The following VPS13B variants were observed in gnomAD, a reference collection of about 807,000 sequenced individuals.
VPS13B encodes the protein intermembrane lipid transfer protein VPS13B.
In VPS13B, 285 loss-of-function variants were observed where a neutral mutation model predicts 426.4. That is an observed-to-expected ratio of 0.67 (90% CI 0.61 to 0.74). VPS13B has a LOEUF of 0.74. VPS13B is among the 30% of genes least tolerant of loss of function. The pLI is 0.00. For missense variants in VPS13B, 4,537 were observed against 4,782.6 expected (o/e 0.95, Z 1.51); for synonymous variants, 1,676 against 1,676.4 (o/e 1.00, Z 0.01).
At chr8:99,551,570 AT>A (rs1824284987) in intron 30 of VPS13B, among the ~76,000 whole-genome samples, 1 of 151,604 alleles carries the variant, frequency 6.6e-6, no homozygotes. Flanking sequence ...TGACATTCTA[AT>A]TTTTATTTAT....
At chr8:99,299,528 A>G (rs934105401) in intron 19 of VPS13B, among the ~76,000 whole-genome samples, 9 of 151,936 alleles carry the variant, frequency 5.9e-5, no homozygotes, top group African/African-American at 2.2e-4. Flanking sequence ...TTAACTCCAC[A>G]TTTAACATGA....
At position 99,691,174 on chromosome 8, in the gene VPS13B, G is replaced by A. The variant is rs1208785424; in HGVS notation, c.6047-8351G>A. ...CTGAATAGGCAAATCTATAGAGACA[G>A]AAAGAAAATTAGTGGTTTCTTGGGG... On this transcript the variant is annotated intron_variant, in intron 35 of 61. Coordinates refer to ENST00000357162, the MANE Select transcript of VPS13B (RefSeq NM_152564.5). 3.3e-5 allele frequency among the ~76,000 whole-genome samples: 5 copies of A among 152,010 alleles called. No individual in the cohort carries two copies. The East Asian group carries it at 9.6e-4, about 29-fold the overall frequency.
At chr8:99,493,281 A>G in intron 25 of VPS13B, among the ~76,000 whole-genome samples, 1 of 152,158 alleles carries the variant, frequency 6.6e-6, no homozygotes, top group East Asian at 1.9e-4. Flanking sequence ...GTATTAGATT[A>G]GAAGTTTATA....
At chr8:99,860,343 A>G (rs1401360988) in intron 57 of VPS13B, among the ~76,000 whole-genome samples, 1 of 151,896 alleles carries the variant, frequency 6.6e-6, no homozygotes, top group Non-Finnish European at 1.5e-5. Flanking sequence ...TGAAAAGGAC[A>G]CTCCCCCAGG....
At chr8:99,286,913 T>C (rs766786429) in intron 19 of VPS13B, among the ~76,000 whole-genome samples, 2 of 152,046 alleles carry the variant, frequency 1.3e-5, no homozygotes, top group Admixed American at 6.6e-5. Flanking sequence ...AAAGGAAATA[T>C]TGATTGTTGA....
intron 33 of VPS13B, among the ~76,000 whole-genome samples, chr8:99,605,464 AG>A: frequency 6.6e-6 from 1 of 152,318 alleles, no homozygotes; most frequent in Non-Finnish European, 1.5e-5. Flanking sequence ...CTCTAATCCT[AG>A]ATATAATCAT....
intron 30 of VPS13B, among the ~76,000 whole-genome samples, chr8:99,552,868 AC>A (rs546828656): frequency 5.3e-4 from 80 of 152,150 alleles, no homozygotes; most frequent in Admixed American, 2.1e-3. Flanking sequence ...TTTTACATGC[AC>A]TTAGTTGTGT....
At chr8:99,588,038 A>G (rs764853293) in intron 33 of VPS13B, among the ~76,000 whole-genome samples, 1 of 151,786 alleles carries the variant, frequency 6.6e-6, no homozygotes, top group Non-Finnish European at 1.5e-5. Context: ...CTTTCTACAT[A>G]TGGTTAGCCA....
chr8:99,143,672 A>G (rs549139132), intron 13 of VPS13B, among the ~76,000 whole-genome samples: 9 of 152,322 alleles, frequency 5.9e-5, no homozygotes, highest in Admixed American at 2.0e-4. Flanking sequence ...TAATAGTGTA[A>G]TGAGGAAGTA....
At chr8:99,013,444 G>T in intron 1 of VPS13B, 97 bp downstream of exon 1, 1 of 359,286 alleles carries the variant, frequency 2.8e-6, no homozygotes, top group South Asian at 2.4e-5. Context: ...TCCGGGAAGC[G>T]AGGGCCTCGC....
At chr8:99,192,215 G>A (rs1162944218) in intron 16 of VPS13B, among the ~76,000 whole-genome samples, 1 of 151,988 alleles carries the variant, frequency 6.6e-6, no homozygotes, top group Non-Finnish European at 1.5e-5. Flanking sequence ...AATGAATAAG[G>A]GATCAACAAA....
intron 2 of VPS13B, among the ~76,000 whole-genome samples, chr8:99,026,911 C>G (rs1330273465): frequency 6.6e-6 from 1 of 152,076 alleles, no homozygotes; most frequent in Non-Finnish European, 1.5e-5. Context: ...GAGTCTCACT[C>G]TGTCACCCAG....
chr8:99,821,646 A>C (rs1814375809), intron 50 of VPS13B, among the ~76,000 whole-genome samples, 164 bp downstream of exon 50: 1 of 152,198 alleles, frequency 6.6e-6, no homozygotes, highest in South Asian at 2.1e-4. Flanking sequence ...TCTGTTTTAC[A>C]GTGCTTTTTT....
At chr8:99,081,708 A>G (rs1023774841) in intron 3 of VPS13B, among the ~76,000 whole-genome samples, 3 of 151,016 alleles carry the variant, frequency 2.0e-5, no homozygotes, top group South Asian at 2.1e-4. Context: ...GAGAACATGC[A>G]GTGTTTGGTT....
At chr8:99,142,861 A>C in intron 12 of VPS13B, 113 bp from the exon 13 acceptor site, 2 of 1,072,466 alleles carry the variant, frequency 1.9e-6, no homozygotes, top group South Asian at 3.2e-5. Context: ...CTGATTGGGA[A>C]TTTGTTTTAA....
chr8:99,194,820 G>A (rs1352468593), intron 17 of VPS13B, among the ~76,000 whole-genome samples: 1 of 151,880 alleles, frequency 6.6e-6, no homozygotes, highest in African/African-American at 2.4e-5. Context: ...CTTCAATACC[G>A]TTTTCCATAA....
At chr8:99,147,765 A>C in intron 13 of VPS13B, 76 bp from the exon 14 acceptor site, 1 of 997,682 alleles carries the variant, frequency 1.0e-6, no homozygotes, top group South Asian at 2.9e-5. Context: ...AGTTTGGAGA[A>C]CTAATTCATT....
intron 33 of VPS13B, among the ~76,000 whole-genome samples, chr8:99,625,219 G>T (rs1426374635): frequency 6.6e-6 from 1 of 152,014 alleles, no homozygotes; most frequent in Non-Finnish European, 1.5e-5. Context: ...ATCTAAACAG[G>T]AAAATTTTTA....
chr8:99,772,902 A>G (rs1391376137), intron 40 of VPS13B, among the ~76,000 whole-genome samples: 1 of 152,160 alleles, frequency 6.6e-6, no homozygotes, highest in African/African-American at 2.4e-5. Flanking sequence ...TGCAGTGGGT[A>G]GGGGAGAATT....
Sources: gnomAD v4.1 joint callset for allele counts (sites outside exome capture counted in the v4.1 genomes callset) on GRCh38, gnomAD v4.1.1 for gene constraint, MANE v1.5 for transcripts, NCBI Gene and HGNC (gene_info 2026-07-23, HGNC 2026-07-21) for gene names.